CFAP20DC: variants seen among roughly 807,000 people sequenced by gnomAD.
CFAP20DC encodes CFAP20 domain containing.
CFAP20DC carries 84 observed loss-of-function variants against 101.7 expected under a neutral mutation model. The ratio of observed to expected loss-of-function variants is 0.83; its 90% CI spans 0.69 to 0.99. CFAP20DC has a LOEUF of 0.99. CFAP20DC is among the 50% of genes least tolerant of loss of function. The pLI is 0.00. For missense variants in CFAP20DC, 1,007 were observed against 970.3 expected (o/e 1.04, Z -0.50); for synonymous variants, 359 against 351.2 (o/e 1.02, Z -0.25).
chr3:58,875,738 T>C (rs1010323062), intron 7 of CFAP20DC, among the ~76,000 whole-genome samples: 3 of 152,316 alleles, frequency 2.0e-5, no homozygotes, highest in African/African-American at 7.2e-5. Flanking sequence ...AGATAATGGA[T>C]AAATCTCACC....
rs777430958 is a variant in CFAP20DC at position 58,806,443 on chromosome 3, C to A, written c.2189G>T (p.Gly730Val). Residue 730 changes from glycine (G) to valine (V), a missense_variant, in exon 15 of 17, where the codon GGT becomes GTT. Physicochemically the swap from Gly to Val is moderately radical, Grantham distance 109. Transcript: ENST00000482387. Reference protein sequence around the residue: ...NSCLPPPVNQGRHYQKEMNPP... With the variant: ...NSCLPPPVNQVRHYQKEMNPP... The stretch of plus-strand genomic sequence containing the variant: ...GTTCATTTCTTTCTGATAGTGGCGA[C>A]CCTGGTTGACAGGCTGGAAAAGACA... 3.1e-6 allele frequency: 5 copies of A among 1,611,968 alleles called. No individual in the cohort carries two copies. The highest frequency in any genetic ancestry group is 3.4e-6 in the Non-Finnish European group (4 of 1,178,218).
intron 6 of CFAP20DC, among the ~76,000 whole-genome samples, chr3:58,889,361 T>TA (rs1179016738): frequency 6.6e-6 from 1 of 151,892 alleles, no homozygotes; most frequent in Non-Finnish European, 1.5e-5. Context: ...CAGTGGCCAA[T>TA]AGGAAAGCTT....
In CFAP20DC at chr3:58,788,966, T is replaced by C. The variant is rs762004234; in HGVS notation, c.2237+17429A>G. Among the ~76,000 whole-genome samples the C allele has an allele frequency of 5.9e-5, 9 of 152,136 alleles. No individual in the cohort carries two copies. Among genetic ancestry groups the C allele is most frequent in the Non-Finnish European group, 1.3e-4 (9 of 68,012 alleles). ...GGTTGGAAAAAATCTGTGTCATAAT[T>C]TGTAAGGGAACCCATATAGTTCAAA... is the stretch of plus-strand genomic sequence containing the variant. On this transcript the variant is annotated intron_variant, in intron 15 of 16. Transcript: ENST00000482387. This position sits in a 1 kb window ranked among gnomAD's most constrained non-coding sequence, Gnocchi z 4.2.
At chr3:58,943,579 C>T (rs191395812) in intron 4 of CFAP20DC, among the ~76,000 whole-genome samples, 75 of 152,216 alleles carry the variant, frequency 4.9e-4, no homozygotes, top group Non-Finnish European at 9.3e-4. Flanking sequence ...TCACTAACAT[C>T]GAAGACCAAA....
chr3:58,834,333 G>A (rs1453464077), intron 13 of CFAP20DC, among the ~76,000 whole-genome samples: 2 of 152,182 alleles, frequency 1.3e-5, no homozygotes, highest in South Asian at 4.1e-4. Context: ...GTGGGATTAA[G>A]CGTTCTAATG....
chr3:58,806,837 C>G (rs1238945500), intron 14 of CFAP20DC, among the ~76,000 whole-genome samples: 2 of 152,188 alleles, frequency 1.3e-5, no homozygotes, highest in African/African-American at 4.8e-5. Context: ...TGACAGATGG[C>G]ACCTGGAAAA....
chr3:58,725,628 C>T (rs1219352752), intron 3 of CFAP20DC, among the ~76,000 whole-genome samples: 2 of 152,046 alleles, frequency 1.3e-5, no homozygotes, highest in Admixed American at 6.6e-5. Context: ...AGTGCCTCCA[C>T]AAACAAAGGT....
Position 58,893,043 on chromosome 3 carries a change from ATT to A in CFAP20DC, c.551-8336_551-8335del, listed in dbSNP as rs1184405114. Among the ~76,000 whole-genome samples, 306 of 132,380 alleles carry A rather than the reference ATT, an allele frequency of 2.3e-3. 1 individual carries two copies. The highest frequency in any genetic ancestry group is 7.4e-3 in the African/African-American group (267 of 35,998). 86.8% of individuals were successfully genotyped at this position (132,380 alleles called of 152,430 possible). A position where few individuals can be genotyped will look rare whatever the true frequency, so the allele number is the denominator to read the frequency against. On this transcript the variant is annotated intron_variant, in intron 6 of 16. Transcript: ENST00000482387. ...TTATTGAGAGTTTTTAACATGAAGG[ATT>A]TTTTTTTTTTTTTTTTGAGATGGAG...
At position 58,912,874 on chromosome 3, in the gene CFAP20DC, A is replaced by C; in HGVS notation, c.550+834T>G. The C allele has an allele frequency of 2.5e-6, 1 of 394,856 alleles. No homozygotes were observed. Among genetic ancestry groups the C allele is most frequent in the South Asian group, 1.9e-5 (1 of 51,540 alleles). The allele number at this position is 394,856 out of a possible 1,614,324, so 24.5% of individuals were successfully genotyped here. On this transcript the variant is annotated intron_variant, in intron 6 of 16. Transcript: ENST00000482387. This position sits in a 1 kb window ranked among gnomAD's most constrained non-coding sequence, Gnocchi z 4.4. ...CTAGAAAATTAATATGATTTCTCCC[A>C]AATGACTTCCTGAAATGTACACAGA...
At chr3:58,879,900 T>A (rs539901901) in intron 7 of CFAP20DC, among the ~76,000 whole-genome samples, 178 of 152,240 alleles carry the variant, frequency 1.2e-3, no homozygotes, top group Middle Eastern at 6.8e-3. Context: ...AACTAAAAAG[T>A]TGTTTAATAT....
intron 15 of CFAP20DC, among the ~76,000 whole-genome samples, chr3:58,805,318 G>A (rs549963457): frequency 9.8e-5 from 15 of 152,344 alleles, no homozygotes; most frequent in Non-Finnish European, 1.9e-4. Flanking sequence ...CAGAGATGGA[G>A]TGAAGAGACT....
At chr3:58,762,215 G>C (rs1257121907) in intron 15 of CFAP20DC, among the ~76,000 whole-genome samples, 1 of 151,996 alleles carries the variant, frequency 6.6e-6, no homozygotes, top group African/African-American at 2.4e-5. Flanking sequence ...ATGAATCTGG[G>C]TGCTCCTGTA....
intron 4 of CFAP20DC, among the ~76,000 whole-genome samples, chr3:58,962,704 C>T (rs919014052): frequency 1.3e-5 from 2 of 152,078 alleles, no homozygotes; most frequent in African/African-American, 4.8e-5. Context: ...AGGCCGTGAA[C>T]GAGCCTGGCC....
intron 4 of CFAP20DC, among the ~76,000 whole-genome samples, chr3:59,035,364 G>C (rs1576794027): frequency 6.6e-6 from 1 of 152,250 alleles, no homozygotes; most frequent in Admixed American, 6.5e-5. Context: ...GAAGGAGATA[G>C]AGACATGAAG....
At chr3:58,796,011 C>G (rs1205783309) in intron 15 of CFAP20DC, among the ~76,000 whole-genome samples, 1 of 152,042 alleles carries the variant, frequency 6.6e-6, no homozygotes, top group Non-Finnish European at 1.5e-5. Flanking sequence ...AGAGTGAAGA[C>G]AAATAAATCT....
chr3:58,776,710 A>T (rs1315450463), intron 15 of CFAP20DC, among the ~76,000 whole-genome samples: 1 of 151,088 alleles, frequency 6.6e-6, no homozygotes, highest in Non-Finnish European at 1.5e-5. Flanking sequence ...TCTCTTGCTA[A>T]TCTGTTTTAT....
In CFAP20DC at chr3:58,870,257, A is replaced by G. The variant is rs1246222492; in HGVS notation, c.768T>C (p.Asp256=). The G allele has an allele frequency of 6.2e-7, 1 of 1,613,882 alleles. No individual in the cohort carries two copies. Among genetic ancestry groups the G allele is most frequent in the Non-Finnish European group, 8.5e-7 (1 of 1,179,870 alleles). The change falls in exon 8 of 17, where the codon GAT becomes GAC. Residue 256 remains aspartate, a synonymous_variant. Coordinates refer to ENST00000482387, the MANE Select transcript of CFAP20DC (RefSeq NM_001394063.1). ...TSITRNSKNQ[D]VCHIAFGSKV... Reference sequence around the variant, plus strand: ...TGGATCCAAATGCGATATGACAAACATCTTGATTTTTACTGTTCCGTGTAA... The same window carrying G: ...TGGATCCAAATGCGATATGACAAACGTCTTGATTTTTACTGTTCCGTGTAA...
At chr3:58,930,724 C>A (rs1378121481) in intron 5 of CFAP20DC, among the ~76,000 whole-genome samples, 4 of 152,142 alleles carry the variant, frequency 2.6e-5, no homozygotes, top group African/African-American at 9.7e-5. Context: ...GAAAATTACA[C>A]TGGTTTTCCA....
intron 15 of CFAP20DC, among the ~76,000 whole-genome samples, chr3:58,798,350 C>A (rs1429859564): frequency 2.0e-5 from 3 of 152,062 alleles, no homozygotes; most frequent in Non-Finnish European, 4.4e-5. Flanking sequence ...CAGTGGCAGA[C>A]AGAACTACAG....
Sources: allele counts gnomAD v4.1 joint callset (sites outside exome capture counted in the v4.1 genomes callset), GRCh38; gene constraint gnomAD v4.1.1; non-coding constraint Gnocchi (gnomAD v3.1); transcripts MANE v1.5; gene names NCBI Gene and HGNC (gene_info 2026-07-23, HGNC 2026-07-21).